The following PPARG variants were observed in gnomAD, a reference collection of about 807,000 sequenced individuals.
The protein encoded by PPARG is peroxisome proliferator activated receptor gamma, also known as peroxisome proliferator-activated receptor gamma.
A neutral mutation model predicts 39.2 loss-of-function variants in PPARG; 17 were observed. That is an observed-to-expected ratio of 0.43 (90% CI 0.30 to 0.65). The LOEUF (loss-of-function observed/expected upper bound fraction) is 0.65. Among genes scored for constraint, PPARG ranks in the 30% least tolerant of loss-of-function variants. PPARG has a pLI of 0.13. For missense variants in PPARG, 406 were observed against 585.9 expected (o/e 0.69, Z 3.17); for synonymous variants, 223 against 215.7 (o/e 1.03, Z -0.30).
chr3:12,319,901 C>T (rs754825379), intron 2 of PPARG, among the ~76,000 whole-genome samples: 16 of 152,068 alleles, frequency 1.1e-4, no homozygotes, highest in Admixed American at 2.6e-4. Flanking sequence ...AAATAATTTA[C>T]GGCGTATATT....
At chr3:12,352,187 C>T (rs2048509326) in intron 2 of PPARG, among the ~76,000 whole-genome samples, 1 of 152,132 alleles carries the variant, frequency 6.6e-6, no homozygotes, top group Non-Finnish European at 1.5e-5. Flanking sequence ...TTGTAAATTC[C>T]CAGAGTGTAG....
chr3:12,297,140 A>G (rs1165871971), intron 1 of PPARG, among the ~76,000 whole-genome samples: 2 of 152,230 alleles, frequency 1.3e-5, no homozygotes, highest in Non-Finnish European at 2.9e-5. Flanking sequence ...TTTGGAAGTA[A>G]CTTAAATATC....
At chr3:12,426,964 C>T (rs13099634) in intron 7 of PPARG, among the ~76,000 whole-genome samples, 23,966 of 152,150 alleles carry the variant, frequency 0.16, 2,145 homozygotes, top group Admixed American at 0.24. Flanking sequence ...ATTAAAAATC[C>T]TGAAGGTCAT....
chr3:12,362,864 A>G (rs966827117), intron 2 of PPARG, among the ~76,000 whole-genome samples: 9 of 151,902 alleles, frequency 5.9e-5, no homozygotes, highest in Admixed American at 3.3e-4. Flanking sequence ...TTTCCTTCCT[A>G]AGAGGTTTTT....
At chr3:12,326,539 G>A (rs3892175) in intron 2 of PPARG, among the ~76,000 whole-genome samples, 15,142 of 152,076 alleles carry the variant, frequency 0.1, 855 homozygotes, top group Admixed American at 0.17. Flanking sequence ...TTTACATAGC[G>A]CTGTTTTGGA....
chr3:12,336,530 A>C (rs1219212061), intron 2 of PPARG, among the ~76,000 whole-genome samples: 2 of 152,184 alleles, frequency 1.3e-5, no homozygotes, highest in African/African-American at 4.8e-5. Flanking sequence ...TCTTTGAAAA[A>C]GATTAGCTGA....
intron 1 of PPARG, among the ~76,000 whole-genome samples, chr3:12,310,537 C>T (rs1235519553): frequency 2.6e-5 from 2 of 75,752 alleles, no homozygotes; most frequent in Admixed American, 1.6e-4. Flanking sequence ...GATCTCGGCT[C>T]ACTGCAAGCT....
chr3:12,398,576 G>C (rs1275561609), intron 5 of PPARG, among the ~76,000 whole-genome samples: 3 of 152,192 alleles, frequency 2.0e-5, no homozygotes, highest in Admixed American at 2.0e-4. Flanking sequence ...CCCATTGTAG[G>C]TTAGAGAGGT....
intron 2 of PPARG, among the ~76,000 whole-genome samples, chr3:12,323,808 T>C (rs1229245445): frequency 6.6e-6 from 1 of 151,894 alleles, no homozygotes; most frequent in East Asian, 1.9e-4. Context: ...AGAAGATCAT[T>C]GTTTAAGATT....
chr3:12,401,328 A>C (rs1575118051), intron 5 of PPARG, among the ~76,000 whole-genome samples: 1 of 152,194 alleles, frequency 6.6e-6, no homozygotes, highest in Admixed American at 6.5e-5. Context: ...GGACACATAG[A>C]TTAGGTTTTC....
chr3:12,347,299 A>G (rs1246859456), intron 2 of PPARG, among the ~76,000 whole-genome samples: 1 of 152,120 alleles, frequency 6.6e-6, no homozygotes, highest in African/African-American at 2.4e-5. Context: ...AGCCTGGGCA[A>G]CATAGCAAGA....
intron 2 of PPARG, among the ~76,000 whole-genome samples, chr3:12,319,118 C>G (rs911779181): frequency 6.6e-6 from 1 of 152,072 alleles, no homozygotes; most frequent in African/African-American, 2.4e-5. Context: ...GTTAACAAGC[C>G]ACATGGCTTT....
In PPARG at chr3:12,312,405, A is replaced by G. The variant is rs757643706; in HGVS notation, c.-57A>G. The G allele has an allele frequency of 6.6e-6, 1 of 152,264 alleles. No individual in the cohort carries two copies. Among genetic ancestry groups the G allele is most frequent in the East Asian group, 1.9e-4 (1 of 5,206 alleles). The allele number at this position is 152,264 out of a possible 1,614,324, so 9.4% of individuals were successfully genotyped here. A position where few individuals can be genotyped will look rare whatever the true frequency, so the allele number is the denominator to read the frequency against. On this transcript the variant is annotated 5_prime_UTR_variant, in exon 2 of 8. Transcript: ENST00000651735. ...ATTTGAAAGAAGCCAACACTAAACCACAAATATACAACAAGGCCATTTTCT... is the reference window on the plus strand; with the variant it reads ...ATTTGAAAGAAGCCAACACTAAACCGCAAATATACAACAAGGCCATTTTCT...
intron 2 of PPARG, among the ~76,000 whole-genome samples, chr3:12,337,304 T>C (rs922975961): frequency 2.0e-5 from 3 of 152,182 alleles, no homozygotes; most frequent in Non-Finnish European, 4.4e-5. Context: ...CTTGAGGACT[T>C]ACTGTATACT....
chr3:12,384,616 G>A (rs567598112), intron 4 of PPARG, among the ~76,000 whole-genome samples: 26 of 152,192 alleles, frequency 1.7e-4, no homozygotes, highest in Middle Eastern at 3.4e-3. Flanking sequence ...ATTATCATTT[G>A]GCTTCTTCAA....
intron 7 of PPARG, 36 bp from the exon 8 acceptor site, chr3:12,433,862 A>G (rs781701287): frequency 1.2e-6 from 2 of 1,613,112 alleles, no homozygotes; most frequent in Non-Finnish European, 1.7e-6. Flanking sequence ...TTTTTGACTG[A>G]ACCCCCTGTT....
At chr3:12,300,598 A>G (rs373788158) in intron 1 of PPARG, among the ~76,000 whole-genome samples, 1 of 152,196 alleles carries the variant, frequency 6.6e-6, no homozygotes, top group East Asian at 1.9e-4. Context: ...TCATTCTCAA[A>G]GGAGGTGAAA....
intron 4 of PPARG, among the ~76,000 whole-genome samples, chr3:12,390,685 G>C (rs1379596228): frequency 2.7e-5 from 3 of 113,106 alleles, no homozygotes; most frequent in Non-Finnish European, 4.9e-5. Flanking sequence ...CTGTCACCCA[G>C]ACTGGAGTGC....
chr3:12,347,704 T>C (rs749758240), intron 2 of PPARG, among the ~76,000 whole-genome samples: 4 of 152,168 alleles, frequency 2.6e-5, no homozygotes, highest in African/African-American at 4.8e-5. Flanking sequence ...TTACATCTTA[T>C]TGAAACAAGA....
Sources: gnomAD v4.1 joint callset for allele counts (sites outside exome capture counted in the v4.1 genomes callset) on GRCh38, gnomAD v4.1.1 for gene constraint, MANE v1.5 for transcripts, NCBI Gene and HGNC (gene_info 2026-07-23, HGNC 2026-07-21) for gene names.